The following LMX1A variants were observed in gnomAD, a reference collection of about 807,000 sequenced individuals.
The protein encoded by LMX1A is LIM homeobox transcription factor 1-alpha.
In LMX1A, 15 loss-of-function variants were observed where a neutral mutation model predicts 49.1. The observed-to-expected ratio is 0.31, with a 90% CI of 0.20 to 0.47. The LOEUF (loss-of-function observed/expected upper bound fraction) is 0.47, where lower values mean the gene tolerates loss of function less well. Ranked by LOEUF, LMX1A falls within the 20% of genes least tolerant of loss-of-function variation. The pLI is 1.00. For missense variants in LMX1A, 372 were observed against 475.8 expected (o/e 0.78, Z 2.03); for synonymous variants, 167 against 185.7 (o/e 0.90, Z 0.82).
chr1:165,254,709 T>A (rs1653174094), intron 3 of LMX1A, among the ~76,000 whole-genome samples: 1 of 152,224 alleles, frequency 6.6e-6, no homozygotes, highest in African/African-American at 2.4e-5. Context: ...TGTCTCTTCC[T>A]AATGCTCTGG....
chr1:165,355,553 C>T lies in LMX1A; in HGVS notation c.7G>A (p.Asp3Asn), dbSNP rs1265282119. 1 of 1,613,798 alleles carries T rather than the reference C, an allele frequency of 6.2e-7. No homozygotes were observed. The highest frequency in any genetic ancestry group is 1.1e-5 in the South Asian group (1 of 90,956). Residue 3 changes from aspartate (D) to asparagine (N), a missense_variant, in exon 2 of 9, where the codon GAC (aspartate) becomes AAC (asparagine). Asp to Asn is a conservative substitution (Grantham distance 23). This residue lies in a region of LMX1A where 199 missense variants were observed against 244.0 expected (regional missense o/e 0.82). Coordinates refer to ENST00000342310, the MANE Select transcript of LMX1A (RefSeq NM_177398.4). This position sits in a 1 kb window ranked among gnomAD's most constrained non-coding sequence, Gnocchi z 4.7. ...AAGTTCTCCTCCATCTTTAGGCCGT[C>T]CAGCATGTTCGGGCCGGGCCGGGAG... ML[D>N]GLKMEENFQS...
intron 4 of LMX1A, among the ~76,000 whole-genome samples, chr1:165,214,767 C>T (rs934665168): frequency 2.0e-5 from 3 of 152,212 alleles, no homozygotes; most frequent in African/African-American, 7.2e-5. Flanking sequence ...ACACTGATAA[C>T]TAGTCAACAT....
rs1346069893 is a variant in LMX1A, at chr1:165,203,268, G to C, written c.*612C>G. The C allele has an allele frequency of 6.6e-6, 1 of 152,622 alleles. No individual in the cohort carries two copies. Among genetic ancestry groups the C allele is most frequent in the Non-Finnish European group, 1.5e-5 (1 of 68,062 alleles). The allele number at this position is 152,622 out of a possible 1,614,324, so 9.5% of individuals were successfully genotyped here. A position where few individuals can be genotyped will look rare whatever the true frequency, so the allele number is the denominator to read the frequency against. ...GCACTCAAAGCTATGGGGCTAGGTG[G>C]AGCAGCCCTCTCTGCCCTGCTGACA... On this transcript the variant is annotated 3_prime_UTR_variant, in exon 9 of 9. Coordinates refer to ENST00000342310, the MANE Select transcript of LMX1A (RefSeq NM_177398.4).
At chr1:165,237,770 G>A (rs1652504128) in intron 4 of LMX1A, among the ~76,000 whole-genome samples, 1 of 152,148 alleles carries the variant, frequency 6.6e-6, no homozygotes, top group Non-Finnish European at 1.5e-5. Flanking sequence ...CTTGGTCACA[G>A]AAACCAGGGC....
intron 4 of LMX1A, among the ~76,000 whole-genome samples, chr1:165,217,149 T>C (rs986720810): frequency 6.6e-6 from 1 of 152,154 alleles, no homozygotes; most frequent in Non-Finnish European, 1.5e-5. Flanking sequence ...CTAGCCAACA[T>C]GTAGAGCTGG....
intron 3 of LMX1A, among the ~76,000 whole-genome samples, chr1:165,336,936 T>A (rs1390652943): frequency 1.3e-5 from 2 of 152,172 alleles, no homozygotes; most frequent in Non-Finnish European, 1.5e-5. Context: ...AGAGAAACTA[T>A]GCAGAAATTA....
chr1:165,301,434 C>T (rs1654771331), intron 3 of LMX1A, among the ~76,000 whole-genome samples: 1 of 152,036 alleles, frequency 6.6e-6, no homozygotes, highest in Non-Finnish European at 1.5e-5. Flanking sequence ...TTCTGTAAAA[C>T]CTAAAGTTTA....
intron 4 of LMX1A, among the ~76,000 whole-genome samples, chr1:165,233,373 T>C (rs1400507493): frequency 6.6e-6 from 1 of 152,214 alleles, no homozygotes; most frequent in Non-Finnish European, 1.5e-5. Flanking sequence ...GAGGATTGCA[T>C]GAGCCCAAGA....
At chr1:165,336,626 T>TC (rs1655905864) in intron 3 of LMX1A, among the ~76,000 whole-genome samples, 4 of 151,688 alleles carry the variant, frequency 2.6e-5, no homozygotes, top group African/African-American at 9.7e-5. Context: ...TTACCCCTAC[T>TC]CCAACCCCTC....
chr1:165,203,776 C>T lies in LMX1A; in HGVS notation c.*104G>A. 9.0e-7 allele frequency: 1 copy of T among 1,112,572 alleles called. No homozygotes were observed. The highest frequency in any genetic ancestry group is 1.3e-6 in the Non-Finnish European group (1 of 757,504). The allele number at this position is 1,112,572 out of a possible 1,614,324, so 68.9% of individuals were successfully genotyped here. A position where few individuals can be genotyped will look rare whatever the true frequency, so the allele number is the denominator to read the frequency against. ...ACAGCATCCCCAACAAAACTCCCTC[C>T]CCAACCCACCTCTTCCCTGGCCTCC... On this transcript the variant is annotated 3_prime_UTR_variant, in exon 9 of 9. Coordinates refer to ENST00000342310, the MANE Select transcript of LMX1A (RefSeq NM_177398.4).
At chr1:165,221,520 G>A (rs1313295969) in intron 4 of LMX1A, among the ~76,000 whole-genome samples, 1 of 152,146 alleles carries the variant, frequency 6.6e-6, no homozygotes, top group Non-Finnish European at 1.5e-5. Flanking sequence ...CTGCATGCCA[G>A]AGTCAGGCCG....
At chr1:165,330,749 G>C (rs951982667) in intron 3 of LMX1A, among the ~76,000 whole-genome samples, 1 of 152,140 alleles carries the variant, frequency 6.6e-6, no homozygotes, top group Non-Finnish European at 1.5e-5. Context: ...TTACTGACTA[G>C]AACAACCAGG....
intron 4 of LMX1A, among the ~76,000 whole-genome samples, chr1:165,221,695 G>T (rs1571157037): frequency 6.6e-6 from 1 of 152,298 alleles, no homozygotes; most frequent in African/African-American, 2.4e-5. Flanking sequence ...CACTCTGAGT[G>T]CTGGCAGCCC....
chr1:165,222,669 A>T (rs891245909), intron 4 of LMX1A, among the ~76,000 whole-genome samples: 6 of 152,350 alleles, frequency 3.9e-5, no homozygotes, highest in Admixed American at 3.9e-4. Context: ...GGTCAAATTC[A>T]CTGTGGTTTT....
In LMX1A at chr1:165,295,517, A is replaced by C. The variant is rs140779848; in HGVS notation, c.264-45877T>G. On this transcript the variant is annotated intron_variant, in intron 3 of 8. Transcript: ENST00000342310. Reference sequence around the variant, plus strand: ...TAACATAATGACATCACCTTGACAAACTTGAAGATTCATTTTTTCCCAACT... The same window carrying C: ...TAACATAATGACATCACCTTGACAACCTTGAAGATTCATTTTTTCCCAACT... 1.8e-3 allele frequency among the ~76,000 whole-genome samples: 267 copies of C among 150,784 alleles called. 1 individual carries two copies. The highest frequency in any genetic ancestry group is 4.8e-3 in the African/African-American group (197 of 41,280).
chr1:165,347,415 G>A (rs902068443), intron 3 of LMX1A, among the ~76,000 whole-genome samples: 2 of 152,178 alleles, frequency 1.3e-5, no homozygotes, highest in African/African-American at 4.8e-5. Flanking sequence ...TCCCACATAG[G>A]AGCCTTTCTG....
intron 3 of LMX1A, among the ~76,000 whole-genome samples, chr1:165,284,480 T>TCATTTTC (rs1454473238): frequency 6.6e-6 from 1 of 152,170 alleles, no homozygotes; most frequent in African/African-American, 2.4e-5. Context: ...GAGTCAAAGC[T>TCATTTTC]AATATTAAGA....
At chr1:165,272,292 A>G (rs1176367948) in intron 3 of LMX1A, among the ~76,000 whole-genome samples, 1 of 152,164 alleles carries the variant, frequency 6.6e-6, no homozygotes, top group Non-Finnish European at 1.5e-5. Flanking sequence ...AAATTCCACC[A>G]TATGTTAAAG....
At chr1:165,246,730 GT>G (rs1344726856) in intron 4 of LMX1A, among the ~76,000 whole-genome samples, 4 of 128,972 alleles carry the variant, frequency 3.1e-5, no homozygotes, top group African/African-American at 1.2e-4. Context: ...TCCTCATTCA[GT>G]CTTGACTTCT....
Sources: gnomAD v4.1 joint callset for allele counts (sites outside exome capture counted in the v4.1 genomes callset) on GRCh38, gnomAD v4.1.1 for gene constraint, gnomAD v4.1.1 regional missense constraint, Gnocchi (gnomAD v3.1) non-coding constraint, MANE v1.5 for transcripts, NCBI Gene and HGNC (gene_info 2026-07-23, HGNC 2026-07-21) for gene names.